VPS53: variants seen among roughly 807,000 people sequenced by gnomAD.
VPS53 encodes the protein VPS53 subunit of GARP complex, also known as vacuolar protein sorting-associated protein 53 homolog.
A neutral mutation model predicts 107.0 loss-of-function variants in VPS53; 70 were observed. The ratio of observed to expected loss-of-function variants is 0.65; its 90% CI spans 0.54 to 0.80. The LOEUF (loss-of-function observed/expected upper bound fraction) is 0.80, where lower values mean the gene tolerates loss of function less well. Among genes scored for constraint, VPS53 ranks in the 30% least tolerant of loss-of-function variants. The pLI, the probability that VPS53 is intolerant of heterozygous loss-of-function variation, is 0.00. For missense variants in VPS53, 917 were observed against 1,049.4 expected (o/e 0.87, Z 1.74); for synonymous variants, 409 against 393.3 (o/e 1.04, Z -0.47).
At chr17:572,473 C>T (rs796713282) in intron 13 of VPS53, among the ~76,000 whole-genome samples, 4 of 150,646 alleles carry the variant, frequency 2.7e-5, no homozygotes, top group Non-Finnish European at 4.4e-5. Flanking sequence ...CGCCTCTGCC[C>T]GGCCGCCCCT....
intron 7 of VPS53, among the ~76,000 whole-genome samples, chr17:636,005 G>A (rs1390329024): frequency 3.3e-5 from 5 of 152,160 alleles, no homozygotes; most frequent in South Asian, 2.1e-4. Flanking sequence ...CCATTTTCAC[G>A]ATATTGGTTC....
In VPS53 at chr17:521,577, G is replaced by A. The variant is rs1458030802; in HGVS notation, c.2223+24C>T. The A allele has an allele frequency of 7.3e-6, 11 of 1,510,110 alleles. No individual in the cohort carries two copies. The Middle Eastern group carries it at 5.1e-4, about 70-fold the overall frequency. The allele number at this position is 1,510,110 out of a possible 1,614,324, so 93.5% of individuals were successfully genotyped here. The stretch of plus-strand genomic sequence containing the variant: ...GAAAAAGAGATTAAATAAATAACTG[G>A]CCCCTTTTAACACAAGCCATCACCT... On this transcript the variant is annotated intron_variant, in intron 20 of 21. Transcript: ENST00000437048.
At chr17:658,057 AGTTCGTG>A (rs1440466471) in intron 5 of VPS53, among the ~76,000 whole-genome samples, 19 of 31,790 alleles carry the variant, frequency 6.0e-4, no homozygotes, top group Non-Finnish European at 9.1e-4. Flanking sequence ...CTCGGCAGGG[AGTTCGTG>A]GATAGATACA....
chr17:585,043 G>A (rs189395663), intron 13 of VPS53, among the ~76,000 whole-genome samples: 25 of 152,316 alleles, frequency 1.6e-4, no homozygotes, highest in African/African-American at 5.1e-4. Flanking sequence ...CAAGGGATGC[G>A]AAATGAGTGG....
chr17:566,432 G>A (rs1370897804), intron 13 of VPS53, among the ~76,000 whole-genome samples: 2 of 152,174 alleles, frequency 1.3e-5, no homozygotes, highest in African/African-American at 2.4e-5. Flanking sequence ...TCCCTGAGAG[G>A]AGGAATGACG....
intron 7 of VPS53, among the ~76,000 whole-genome samples, chr17:635,400 A>G (rs1362535794): frequency 4.6e-5 from 7 of 152,120 alleles, no homozygotes; most frequent in Non-Finnish European, 1.0e-4. Flanking sequence ...CTTTAGTTTA[A>G]TTAGATCCCA....
At chr17:654,692 G>A (rs1435383639) in intron 6 of VPS53, among the ~76,000 whole-genome samples, 2 of 144,580 alleles carry the variant, frequency 1.4e-5, no homozygotes, top group South Asian at 4.3e-4. Context: ...AGCCTAGATC[G>A]CGCCACTGCA....
At chr17:590,010 A>T (rs574893) in intron 12 of VPS53, among the ~76,000 whole-genome samples, 76,251 of 151,750 alleles carry the variant, frequency 0.5, 20,277 homozygotes, top group African/African-American at 0.69. Flanking sequence ...TACTCATGAG[A>T]ATGGAATGTT....
intron 17 of VPS53, among the ~76,000 whole-genome samples, chr17:542,621 T>C (rs1214030902): frequency 1.3e-5 from 2 of 152,244 alleles, no homozygotes; most frequent in Non-Finnish European, 2.9e-5. Flanking sequence ...CTGATAATTA[T>C]CAATTAATTC....
At chr17:616,108 T>C (rs981348132) in intron 11 of VPS53, 2 of 152,226 alleles carry the variant, frequency 1.3e-5, no homozygotes, top group African/African-American at 4.8e-5. Flanking sequence ...AAAGTGGCCA[T>C]AGGGCTTCTG....
chr17:649,505 C>A (rs35796242), intron 7 of VPS53, among the ~76,000 whole-genome samples: 1 of 125,286 alleles, frequency 8.0e-6, no homozygotes, highest in African/African-American at 3.0e-5. Flanking sequence ...GGAACAGGCA[C>A]TGAAGATCTT....
chr17:570,526 A>C (rs982328493), intron 13 of VPS53, among the ~76,000 whole-genome samples: 1 of 152,158 alleles, frequency 6.6e-6, no homozygotes. Flanking sequence ...AAACTGAGGG[A>C]AATTCCAGAA....
Position 710,870 on chromosome 17 carries a change from G to A in VPS53, c.88-257C>T, listed in dbSNP as rs9913318. Reference sequence around the variant, plus strand: ...TGAGGCAGGAGAATTGCTTGAACCCGGGAGGCGGAGGTTACAGTGAGCCGA... The same window carrying A: ...TGAGGCAGGAGAATTGCTTGAACCCAGGAGGCGGAGGTTACAGTGAGCCGA... On this transcript the variant is annotated intron_variant, in intron 1 of 21. Coordinates refer to ENST00000437048, the MANE Select transcript of VPS53 (RefSeq NM_001128159.3). Among the ~76,000 whole-genome samples the A allele has an allele frequency of 1.8e-3, 271 of 149,868 alleles. 1 individual carries two copies. The highest frequency in any genetic ancestry group is 6.2e-3 in the African/African-American group (250 of 40,624).
intron 2 of VPS53, among the ~76,000 whole-genome samples, chr17:709,419 T>A (rs1307484392): frequency 1.3e-5 from 2 of 152,242 alleles, no homozygotes. Context: ...AAACGACTGC[T>A]ACGTTTTACT....
rs773904104 is a variant in VPS53, at chr17:655,947, C to CT, written c.378dup (p.Glu127ArgfsTer5). On this transcript the variant is annotated frameshift_variant, in exon 6 of 22. Coordinates refer to ENST00000437048, the MANE Select transcript of VPS53 (RefSeq NM_001128159.3). LOFTEE classifies it high-confidence loss of function. ...AATTGCTTAATATCACGGGTGATTT[C>CT]TTTCACCTAAACATTGAAAAACCAC... The CT allele has an allele frequency of 6.2e-7, 1 of 1,613,306 alleles. No homozygotes were observed. The highest frequency in any genetic ancestry group is 1.7e-5 in the Admixed American group (1 of 59,862).
At chr17:630,535 C>G (rs1969914379) in intron 8 of VPS53, among the ~76,000 whole-genome samples, 2 of 152,170 alleles carry the variant, frequency 1.3e-5, no homozygotes, top group South Asian at 4.1e-4. Context: ...AAGGAAAGTG[C>G]TTTACAAATA....
chr17:585,155 C>A (rs1390727109), intron 13 of VPS53, among the ~76,000 whole-genome samples: 2 of 152,184 alleles, frequency 1.3e-5, no homozygotes, highest in Non-Finnish European at 2.9e-5. Flanking sequence ...AGACAGTTGG[C>A]AGGTACCACC....
chr17:693,540 A>G (rs1052710598), intron 4 of VPS53, among the ~76,000 whole-genome samples: 3 of 152,134 alleles, frequency 2.0e-5, no homozygotes, highest in African/African-American at 4.8e-5. Flanking sequence ...CGGGCAACAC[A>G]GCAAGAACCC....
At chr17:535,390 CGGG>C (rs1909965191) in intron 18 of VPS53, among the ~76,000 whole-genome samples, 2 of 133,120 alleles carry the variant, frequency 1.5e-5, no homozygotes, top group Non-Finnish European at 3.5e-5. Context: ...TGGGAGACGC[CGGG>C]ACTGGCTAAG....
Sources: allele counts gnomAD v4.1 joint callset (sites outside exome capture counted in the v4.1 genomes callset), GRCh38; gene constraint gnomAD v4.1.1; transcripts MANE v1.5; gene names NCBI Gene and HGNC (gene_info 2026-07-23, HGNC 2026-07-21).